DCLRE1C: variants seen among roughly 807,000 people sequenced by gnomAD.
The protein encoded by DCLRE1C is DNA cross-link repair 1C, also known as protein artemis.
Under a neutral mutation model 61.4 loss-of-function variants are expected in DCLRE1C, and 47 were observed. The observed-to-expected ratio is 0.77, with a 90% CI of 0.61 to 0.98. The LOEUF is 0.98. Among genes scored for constraint, DCLRE1C ranks in the 50% least tolerant of loss-of-function variants. The pLI is 0.00. For synonymous variants in DCLRE1C, 337 were observed against 287.6 expected, an observed-to-expected ratio of 1.17 and a Z score of -1.74; for missense variants, 858 against 816.0, an observed-to-expected ratio of 1.05 and a Z score of -0.63.
chr10:14,937,125 C>T (rs1159853118), intron 4 of DCLRE1C, among the ~76,000 whole-genome samples: 1 of 152,076 alleles, frequency 6.6e-6, no homozygotes, highest in Non-Finnish European at 1.5e-5. Flanking sequence ...GAGTCCAATA[C>T]AGTAGTGGTT....
At chr10:14,951,685 T>G (rs1408790643) in intron 1 of DCLRE1C, among the ~76,000 whole-genome samples, 2 of 152,160 alleles carry the variant, frequency 1.3e-5, no homozygotes, top group African/African-American at 4.8e-5. Context: ...GCCTTCTCAC[T>G]ATGCACTCAC....
downstream of DCLRE1C, among the ~76,000 whole-genome samples, chr10:14,902,003 T>G (rs749319808): frequency 1.5e-4 from 23 of 152,236 alleles, no homozygotes; most frequent in Non-Finnish European, 2.9e-4. Flanking sequence ...TTTCTTTCCT[T>G]TAAGAATGAT....
chr10:14,927,135 A>G (rs1297448566), intron 10 of DCLRE1C, among the ~76,000 whole-genome samples: 2 of 152,126 alleles, frequency 1.3e-5, no homozygotes, highest in Non-Finnish European at 2.9e-5. Context: ...TAATCCCAGC[A>G]CTATGGGAGG....
chr10:14,919,762 C>T lies in DCLRE1C; in HGVS notation c.1132G>A (p.Ala378Thr), dbSNP rs1391670953. The T allele has an allele frequency of 1.9e-6, 3 of 1,613,844 alleles. No homozygotes were observed. The highest frequency in any genetic ancestry group is 2.5e-6 in the Non-Finnish European group (3 of 1,179,914). ...CCTGAGTCTCGGTGAACTGTTCTAGCTCTCTTCAGTTTTCCCAGTGGTTTA... is the reference window on the plus strand; with the variant it reads ...CCTGAGTCTCGGTGAACTGTTCTAGTTCTCTTCAGTTTTCCCAGTGGTTTA... The part of the protein sequence containing the change: ...KYKPLGKLKR[A>T]RTVHRDSEEE... The change falls in exon 13 of 14, where the codon GCT (alanine) becomes ACT (threonine). Residue 378 changes from alanine (A) to threonine (T), a missense_variant. By Grantham distance (58) the Ala-to-Thr change is moderately conservative. Transcript: ENST00000378278.
At chr10:14,923,857 C>G (rs184642927) in intron 11 of DCLRE1C, among the ~76,000 whole-genome samples, 1 of 152,210 alleles carries the variant, frequency 6.6e-6, no homozygotes, top group Non-Finnish European at 1.5e-5. Context: ...CAGTCAAGCA[C>G]TGGAGGGAGC....
chr10:14,952,233 C>A (rs1842555414), intron 1 of DCLRE1C, among the ~76,000 whole-genome samples: 1 of 152,174 alleles, frequency 6.6e-6, no homozygotes. Context: ...CAGTGCGGCT[C>A]TACACAAAAA....
chr10:14,930,352 C>T (rs941270972), intron 9 of DCLRE1C, among the ~76,000 whole-genome samples: 2 of 141,652 alleles, frequency 1.4e-5, no homozygotes, highest in Non-Finnish European at 3.0e-5. Flanking sequence ...AGGCTGGTCT[C>T]GAACTCCTAG....
chr10:14,900,620 C>T (rs543807817), downstream of DCLRE1C, among the ~76,000 whole-genome samples: 1 of 152,244 alleles, frequency 6.6e-6, no homozygotes, highest in East Asian at 1.9e-4. Context: ...TTTTTTCTTG[C>T]ATATTCCGTA....
At chr10:14,922,853 G>A (rs565694174) in intron 12 of DCLRE1C, 128 bp downstream of exon 12, 3 of 731,804 alleles carry the variant, frequency 4.1e-6, no homozygotes, top group African/African-American at 1.8e-5. Flanking sequence ...ATGGAAATGA[G>A]TATCAGTTCA....
chr10:14,923,371 CT>C (rs776751693), intron 11 of DCLRE1C: 642 of 297,148 alleles, frequency 2.2e-3, no homozygotes, highest in East Asian at 5.6e-3. Context: ...CTCAAAGATT[CT>C]TTTTTTTTTC....
intron 9 of DCLRE1C, among the ~76,000 whole-genome samples, chr10:14,929,996 G>A (rs1473241607): frequency 1.3e-5 from 2 of 152,304 alleles, no homozygotes. Context: ...TACTAACTAA[G>A]CTACTTTGTG....
intron 9 of DCLRE1C, among the ~76,000 whole-genome samples, chr10:14,931,717 G>C (rs1393952465): frequency 6.6e-6 from 1 of 152,086 alleles, no homozygotes; most frequent in Admixed American, 6.6e-5. Context: ...AGAAGAAAAA[G>C]TTTATAAACA....
At chr10:14,926,819 T>C (rs199698598) in intron 11 of DCLRE1C, 24 bp downstream of exon 11, 31 of 1,599,504 alleles carry the variant, frequency 1.9e-5, no homozygotes, top group Non-Finnish European at 2.4e-5. Flanking sequence ...CGATAAGGGT[T>C]ATGAGTATAT....
chr10:14,925,046 T>C (rs966498334), intron 11 of DCLRE1C, among the ~76,000 whole-genome samples: 1 of 151,816 alleles, frequency 6.6e-6, no homozygotes, highest in African/African-American at 2.4e-5. Context: ...AAAGGGCTAC[T>C]TTAAGACAGT....
At chr10:14,928,512 G>A (rs185647625) in intron 9 of DCLRE1C, among the ~76,000 whole-genome samples, 10 of 152,298 alleles carry the variant, frequency 6.6e-5, no homozygotes, top group Admixed American at 2.0e-4. Context: ...GGACACTATG[G>A]GAAGAACTGG....
downstream of DCLRE1C, chr10:14,901,323 TA>T: frequency 5.6e-6 from 9 of 1,600,974 alleles, no homozygotes; most frequent in Non-Finnish European, 7.7e-6. Flanking sequence ...CAAATCAGAC[TA>T]GGAACAGACC....
In DCLRE1C at chr10:14,918,666, G is replaced by C. The variant is rs41300646; in HGVS notation, c.1156+1072C>G. ...AAAAGAAAAAAACCTTAGTAAATTT[G>C]TAAGGATTAGAGGATGCATTACATA... On this transcript the variant is annotated intron_variant, in intron 13 of 13. Transcript: ENST00000378278. Among the ~76,000 whole-genome samples, 1,252 of 150,268 alleles carry C rather than the reference G, an allele frequency of 8.3e-3. 23 individuals are homozygous for C. Among genetic ancestry groups the C allele is most frequent in the African/African-American group, 0.029 (1,177 of 41,064 alleles).
At chr10:14,924,946 G>A (rs1213091176) in intron 11 of DCLRE1C, among the ~76,000 whole-genome samples, 1 of 151,748 alleles carries the variant, frequency 6.6e-6, no homozygotes, top group African/African-American at 2.4e-5. Flanking sequence ...TCTGCAAATG[G>A]ACAGACTAGA....
At chr10:14,899,721 C>T (rs771360187), downstream of DCLRE1C, 17 of 1,608,590 alleles carry the variant, frequency 1.1e-5, no homozygotes, top group East Asian at 3.6e-4. Flanking sequence ...ACACGACTAA[C>T]AATTCAACCT....
Sources: allele counts gnomAD v4.1 joint callset (sites outside exome capture counted in the v4.1 genomes callset), GRCh38; gene constraint gnomAD v4.1.1; transcripts MANE v1.5; gene names NCBI Gene and HGNC (gene_info 2026-07-23, HGNC 2026-07-21).